Variants in TRDN observed in about 807,000 individuals in gnomAD.
TRDN encodes triadin.
Under a neutral mutation model 149.7 loss-of-function variants are expected in TRDN, and 161 were observed. That is an observed-to-expected ratio of 1.08 (90% CI 0.95 to 1.23). The LOEUF (loss-of-function observed/expected upper bound fraction) is 1.23, where lower values mean the gene tolerates loss of function less well. TRDN is among the 50% of genes most tolerant of loss of function. The pLI, the probability that TRDN is intolerant of heterozygous loss-of-function variation, is 0.00. For synonymous variants in TRDN, 294 were observed against 250.5 expected, an observed-to-expected ratio of 1.17 and a Z score of -1.64; for missense variants, 896 against 823.5, an observed-to-expected ratio of 1.09 and a Z score of -1.08.
At chr6:123,601,972 CAGAG>C (rs1170298148) in intron 1 of TRDN, among the ~76,000 whole-genome samples, 2 of 152,008 alleles carry the variant, frequency 1.3e-5, no homozygotes, top group African/African-American at 4.8e-5. Flanking sequence ...GACTAGAACT[CAGAG>C]AGCTAGACTT....
chr6:123,382,049 C>A, intron 15 of TRDN, 69 bp downstream of exon 15: 1 of 1,153,194 alleles, frequency 8.7e-7, no homozygotes, highest in South Asian at 2.1e-5. Context: ...CTACATCAAT[C>A]CTTTAAGAAG....
intron 10 of TRDN, among the ~76,000 whole-genome samples, chr6:123,459,269 A>G (rs1253730882): frequency 6.6e-6 from 1 of 152,172 alleles, no homozygotes; most frequent in Non-Finnish European, 1.5e-5. Flanking sequence ...ATCAAGCCCC[A>G]TGTCCTCTGA....
chr6:123,446,711 T>C (rs1775399137), intron 10 of TRDN, among the ~76,000 whole-genome samples: 1 of 151,980 alleles, frequency 6.6e-6, no homozygotes, highest in Non-Finnish European at 1.5e-5. Flanking sequence ...ATCTTTTTAC[T>C]GGTATGAATT....
At chr6:123,309,790 A>C (rs566925761) in intron 24 of TRDN, among the ~76,000 whole-genome samples, 2 of 152,046 alleles carry the variant, frequency 1.3e-5, no homozygotes, top group African/African-American at 2.4e-5. Flanking sequence ...TCATAACTGC[A>C]TAAAATATAT....
chr6:123,352,501 T>G (rs1352813489), intron 21 of TRDN, 38 bp downstream of exon 21: 1 of 1,606,308 alleles, frequency 6.2e-7, no homozygotes, highest in South Asian at 1.1e-5. Flanking sequence ...GTTGTCTTTC[T>G]AAAGAAGATA....
chr6:123,326,025 T>C (rs544607904), intron 23 of TRDN, among the ~76,000 whole-genome samples: 37 of 152,228 alleles, frequency 2.4e-4, no homozygotes, highest in Non-Finnish European at 5.1e-4. Flanking sequence ...GTAAAATAAA[T>C]AGCAGAGAGA....
chr6:123,464,045 G>A (rs980302474), intron 10 of TRDN, among the ~76,000 whole-genome samples: 6 of 152,114 alleles, frequency 3.9e-5, no homozygotes, highest in South Asian at 2.1e-4. Context: ...GTGATCTGAG[G>A]AAGACCTCCA....
In TRDN at chr6:123,217,626, C is replaced by T. The variant is rs528993152; in HGVS notation, c.*975G>A. 63 of 152,010 alleles carry T rather than the reference C, an allele frequency of 4.1e-4. No individual in the cohort carries two copies. The highest frequency in any genetic ancestry group is 2.8e-3 in the Admixed American group (42 of 15,240). The allele number at this position is 152,010 out of a possible 1,614,324, so 9.4% of individuals were successfully genotyped here. On this transcript the variant is annotated 3_prime_UTR_variant, in exon 41 of 41. Coordinates refer to ENST00000334268, the MANE Select transcript of TRDN (RefSeq NM_006073.4). ...CCTAAAATACAAGTAAGACATCTCA[C>T]GAAGGCATTTAAGGCTAAAATGAAT...
chr6:123,453,397 A>C lies in TRDN; in HGVS notation c.931+11509T>G, dbSNP rs188176985. On this transcript the variant is annotated intron_variant, in intron 10 of 40. Transcript: ENST00000334268. ...ATATCCAGAATCTACAACAAACTCA[A>C]ACAAGACAGTAAGAAAAAAAACAGA... Among the ~76,000 whole-genome samples the C allele has an allele frequency of 1.0e-3, 158 of 152,290 alleles. 2 individuals are homozygous for C. The highest frequency in any genetic ancestry group is 3.6e-3 in the African/African-American group (148 of 41,542).
At chr6:123,455,239 A>G (rs553147716) in intron 10 of TRDN, among the ~76,000 whole-genome samples, 75 of 152,252 alleles carry the variant, frequency 4.9e-4, no homozygotes, top group Non-Finnish European at 8.4e-4. Flanking sequence ...AATTAAACTT[A>G]GCATTTAAAA....
chr6:123,242,900 C>T (rs1176080426), intron 38 of TRDN, among the ~76,000 whole-genome samples: 1 of 152,060 alleles, frequency 6.6e-6, no homozygotes, highest in Non-Finnish European at 1.5e-5. Flanking sequence ...AAAGAAGGAA[C>T]TCATATTGAG....
At chr6:123,522,477 A>G (rs1209589132) in intron 5 of TRDN, among the ~76,000 whole-genome samples, 1 of 111,532 alleles carries the variant, frequency 9.0e-6, no homozygotes, top group Non-Finnish European at 1.8e-5. Context: ...ATACATTACT[A>G]TTTTTCTCCA....
intron 21 of TRDN, chr6:123,351,086 T>A: frequency 1.0e-6 from 1 of 985,080 alleles, no homozygotes; most frequent in Non-Finnish European, 1.2e-6. Context: ...ACTGTGGCTA[T>A]GAAAACAACC....
At chr6:123,388,609 C>T (rs1382302979) in intron 13 of TRDN, 58 bp from the exon 14 acceptor site, 2 of 1,540,638 alleles carry the variant, frequency 1.3e-6, no homozygotes, top group African/African-American at 1.4e-5. Context: ...AGAATACTCC[C>T]CAGAATATGA....
At chr6:123,514,886 C>G (rs895613343) in intron 6 of TRDN, among the ~76,000 whole-genome samples, 7 of 151,610 alleles carry the variant, frequency 4.6e-5, no homozygotes, top group African/African-American at 1.5e-4. Context: ...ACAATGAGAA[C>G]ACATGGACTC....
chr6:123,446,584 CA>C (rs572029827), intron 10 of TRDN, among the ~76,000 whole-genome samples: 1,013 of 61,026 alleles, frequency 0.017, 2 homozygotes, highest in South Asian at 0.026. Context: ...GATTCCATCT[CA>C]AAAAAAAAAA....
At chr6:123,614,030 C>T (rs961477662) in intron 1 of TRDN, among the ~76,000 whole-genome samples, 3 of 151,942 alleles carry the variant, frequency 2.0e-5, no homozygotes, top group Non-Finnish European at 2.9e-5. Context: ...CTTTAAGATG[C>T]TCTAGGATAT....
intron 4 of TRDN, among the ~76,000 whole-genome samples, chr6:123,546,449 T>C (rs1338341455): frequency 6.6e-6 from 1 of 152,068 alleles, no homozygotes; most frequent in Non-Finnish European, 1.5e-5. Context: ...TCCCATTGTT[T>C]GAATCCACAG....
rs146284588 is a variant in TRDN at position 123,438,324 on chromosome 6, A to AT, written c.992-203_992-202insA. Among the ~76,000 whole-genome samples, 19,003 of 151,242 alleles carry AT rather than the reference A, an allele frequency of 0.13. 1,635 individuals carry two copies. Among genetic ancestry groups the AT allele is most frequent in the South Asian group, 0.3 (1,462 of 4,818 alleles). On this transcript the variant is annotated intron_variant, in intron 11 of 40. Coordinates refer to ENST00000334268, the MANE Select transcript of TRDN (RefSeq NM_006073.4). ...GTATAATTTCTCTTCAGGAAACAGA[A>AT]CTTTTTTTTTTTTGCCAAAGGCAAA... is the stretch of plus-strand genomic sequence containing the variant.
Sources: allele counts gnomAD v4.1 joint callset (sites outside exome capture counted in the v4.1 genomes callset), GRCh38; gene constraint gnomAD v4.1.1; transcripts MANE v1.5; gene names NCBI Gene and HGNC (gene_info 2026-07-23, HGNC 2026-07-21).